TMEM164: variants seen among roughly 807,000 people sequenced by gnomAD.
TMEM164 encodes RP13-360B22.2.
TMEM164 carries 4 observed loss-of-function variants against 18.8 expected under a neutral mutation model. The ratio of observed to expected loss-of-function variants is 0.21; its 90% CI spans 0.10 to 0.49. The LOEUF (loss-of-function observed/expected upper bound fraction) is 0.49, where lower values mean the gene tolerates loss of function less well. Ranked by LOEUF, TMEM164 falls within the 20% of genes least tolerant of loss-of-function variation. The pLI is 0.98. For synonymous variants in TMEM164, 86 were observed against 101.7 expected (o/e 0.85, Z 0.93); for missense variants, 108 against 239.9 (o/e 0.45, Z 3.63).
intron 3 of TMEM164, among the ~76,000 whole-genome samples, chrX:110,095,984 G>A (rs962104962): frequency 3.6e-5 from 4 of 112,325 alleles, no homozygotes; most frequent in East Asian, 2.8e-4. Flanking sequence ...TATCACCAGC[G>A]GAGGCTGCAG....
chrX:110,178,545 T>TACCACCA (rs2067311004), downstream of TMEM164, among the ~76,000 whole-genome samples: 1 of 112,072 alleles, frequency 8.9e-6, no homozygotes, highest in African/African-American at 3.3e-5. Context: ...TGGGCAGTCT[T>TACCACCA]TGTACAGCTA....
chrX:110,124,364 C>T (rs1179567094), intron 4 of TMEM164, among the ~76,000 whole-genome samples: 2 of 111,588 alleles, frequency 1.8e-5, no homozygotes, highest in East Asian at 2.8e-4. Context: ...TAAAAAGAAT[C>T]GGGGGGTAGG....
intron 2 of TMEM164, among the ~76,000 whole-genome samples, chrX:110,054,117 T>C (rs1935705833): frequency 8.9e-6 from 1 of 112,121 alleles, no homozygotes; most frequent in South Asian, 3.7e-4. Flanking sequence ...TTGACTCACT[T>C]ATTAGTTGTG....
intron 2 of TMEM164, among the ~76,000 whole-genome samples, chrX:110,021,372 G>A (rs755436890): frequency 1.3e-3 from 149 of 111,101 alleles, no homozygotes; most frequent in African/African-American, 4.7e-3. Context: ...GGGGCATGGA[G>A]AGATTATGGC....
intron 2 of TMEM164, among the ~76,000 whole-genome samples, chrX:110,062,238 C>A (rs1936153071): frequency 8.9e-6 from 1 of 112,090 alleles, no homozygotes. Context: ...GAAAAGAACA[C>A]ACCAGCTGAA....
chrX:110,010,016 G>A (rs1932928001), intron 2 of TMEM164, among the ~76,000 whole-genome samples: 1 of 110,250 alleles, frequency 9.1e-6, no homozygotes, highest in African/African-American at 3.3e-5. Context: ...AAATCTTTCT[G>A]CCTGTTTTTT....
chrX:110,096,459 G>A (rs2066020148), intron 3 of TMEM164, among the ~76,000 whole-genome samples: 1 of 112,845 alleles, frequency 8.9e-6, no homozygotes, highest in African/African-American at 3.2e-5. Context: ...AGTGAGCAAG[G>A]CTCTGTGGGC....
intron 3 of TMEM164, among the ~76,000 whole-genome samples, chrX:110,106,862 A>C (rs1001083509): frequency 5.4e-5 from 6 of 111,806 alleles, no homozygotes; most frequent in African/African-American, 2.0e-4. Flanking sequence ...CAGATTTTTT[A>C]GTACTCCATT....
At chrX:110,117,430 A>G (rs2066386216) in intron 4 of TMEM164, among the ~76,000 whole-genome samples, 1 of 112,464 alleles carries the variant, frequency 8.9e-6, no homozygotes, top group Non-Finnish European at 1.9e-5. Flanking sequence ...TACAGTAGCA[A>G]TAATATATTG....
chrX:110,067,375 G>C lies in TMEM164; in HGVS notation c.419G>C (p.Arg140Pro), dbSNP rs201125475. The C allele has an allele frequency of 8.3e-7, 1 of 1,209,227 alleles. No individual in the cohort carries two copies. The highest frequency in any genetic ancestry group is 3.0e-5 in the East Asian group (1 of 33,771). The change falls in exon 3 of 7, where the codon CGG (arginine) becomes CCG (proline). Residue 140 changes from arginine (R) to proline (P), a missense_variant. Transcript: ENST00000372068. ...TTTCTCCTGGCCTGCCCTCCATGTC[G>C]GGGAGCTATCGTCGTCTTCAAGTAA... ...HIFLLACPPC[R>P]GAIVVFKLQM...
intron 2 of TMEM164, among the ~76,000 whole-genome samples, chrX:110,021,070 A>G (rs775522424): frequency 2.1e-4 from 23 of 109,176 alleles, no homozygotes; most frequent in Admixed American, 2.1e-3. Flanking sequence ...ACTAAATAGC[A>G]CTTACTCCTG....
chrX:110,043,860 C>T (rs1935198981), intron 2 of TMEM164, among the ~76,000 whole-genome samples: 1 of 112,017 alleles, frequency 8.9e-6, no homozygotes. Flanking sequence ...TAATCTGAGT[C>T]TCTTTTCACT....
rs777956119 is a variant in TMEM164, at chrX:110,091,726, G to C, written c.441-17354G>C. Among the ~76,000 whole-genome samples the C allele has an allele frequency of 2.4e-4, 27 of 112,098 alleles. 1 individual carries two copies. The East Asian group carries it at 7.0e-3, about 29-fold the overall frequency. On this transcript the variant is annotated intron_variant, in intron 3 of 6. Transcript: ENST00000372068. ...TCTTTAGTTTAATTAGATCCCATTT[G>C]TCAATTTTGTCTTTTGTTGCCATTG...
At chrX:110,046,980 G>A (rs1935341733) in intron 2 of TMEM164, among the ~76,000 whole-genome samples, 4 of 111,772 alleles carry the variant, frequency 3.6e-5, no homozygotes, top group African/African-American at 1.3e-4. Flanking sequence ...TATTGAGTCC[G>A]GATATTGGAG....
intron 3 of TMEM164, among the ~76,000 whole-genome samples, chrX:110,078,538 G>A (rs2065705672): frequency 9.0e-6 from 1 of 111,622 alleles, no homozygotes; most frequent in Admixed American, 9.6e-5. Flanking sequence ...TAAACTTTAG[G>A]TTGGGCGCAG....
intron 3 of TMEM164, among the ~76,000 whole-genome samples, chrX:110,087,369 G>T (rs2065868803): frequency 1.8e-5 from 2 of 111,719 alleles, no homozygotes; most frequent in Non-Finnish European, 3.8e-5. Context: ...CTTGTTTGTT[G>T]TTGTTGTTTT....
At position 110,173,473 on chromosome X, in the gene TMEM164, T is replaced by TTC. The variant is rs2148139772; in HGVS notation, c.*23_*24dup. On this transcript the variant is annotated 3_prime_UTR_variant, in exon 7 of 7. Transcript: ENST00000372068. ...CTGAAGGTGCTTATTTTTTTTTTTT[T>TTC]TCCTCCCTGAGGAAGCAAGTCGTGA... is the stretch of plus-strand genomic sequence containing the variant. 1.7e-6 allele frequency: 2 copies of TTC among 1,155,694 alleles called. No individual in the cohort carries two copies. Among genetic ancestry groups the TTC allele is most frequent in the African/African-American group, 3.6e-5 (2 of 55,274 alleles).
chrX:110,114,534 G>T (rs1243756029), intron 4 of TMEM164, among the ~76,000 whole-genome samples: 2 of 111,733 alleles, frequency 1.8e-5, no homozygotes, highest in Admixed American at 1.9e-4. Context: ...CATGGAACCT[G>T]GTTACAGATT....
intron 2 of TMEM164, among the ~76,000 whole-genome samples, chrX:110,037,903 T>A (rs1189698490): frequency 1.8e-5 from 2 of 112,127 alleles, no homozygotes; most frequent in Non-Finnish European, 3.8e-5. Flanking sequence ...AGATTGCTTA[T>A]ATTTCCATAA....
Sources: allele counts gnomAD v4.1 joint callset (sites outside exome capture counted in the v4.1 genomes callset), GRCh38; gene constraint gnomAD v4.1.1; transcripts MANE v1.5; gene names NCBI Gene and HGNC (gene_info 2026-07-23, HGNC 2026-07-21).